DDC: variants seen among roughly 807,000 people sequenced by gnomAD.
DDC encodes the protein dopa decarboxylase.
A neutral mutation model predicts 60.0 loss-of-function variants in DDC; 43 were observed. The observed-to-expected ratio is 0.72, with a 90% confidence interval of 0.56 to 0.92. The LOEUF is 0.92. DDC is among the 40% of genes least tolerant of loss of function. The pLI, the probability that DDC is intolerant of heterozygous loss-of-function variation, is 0.00. For missense variants in DDC, 573 were observed against 620.2 expected (o/e 0.92, Z 0.81); for synonymous variants, 232 against 234.6 (o/e 0.99, Z 0.10).
chr7:50,539,455 C>T (rs1457244423), intron 3 of DDC, among the ~76,000 whole-genome samples: 1 of 152,138 alleles, frequency 6.6e-6, no homozygotes, highest in African/African-American at 2.4e-5. Flanking sequence ...TCCAGAGACC[C>T]CCCTGCTCCA....
chr7:50,497,359 GA>G (rs2043148972), intron 8 of DDC, among the ~76,000 whole-genome samples: 1 of 152,214 alleles, frequency 6.6e-6, no homozygotes, highest in Admixed American at 6.5e-5. Flanking sequence ...TATGAAAGAT[GA>G]AACCTCAAGT....
intron 13 of DDC, 112 bp from the exon 14 acceptor site, chr7:50,463,543 C>T (rs1053674373): frequency 5.3e-5 from 47 of 884,684 alleles, no homozygotes; most frequent in Middle Eastern, 4.3e-4. Flanking sequence ...AGGAAGAAGC[C>T]GACTAACCAT....
chr7:50,536,959 A>G (rs1022075239), intron 4 of DDC, among the ~76,000 whole-genome samples: 2 of 150,160 alleles, frequency 1.3e-5, no homozygotes, highest in Non-Finnish European at 3.0e-5. Context: ...TAATGAGACT[A>G]TCATCTACTT....
chr7:50,562,992 T>C (rs2045373488), intron 1 of DDC, among the ~76,000 whole-genome samples: 1 of 151,852 alleles, frequency 6.6e-6, no homozygotes, highest in South Asian at 2.1e-4. Flanking sequence ...CATGATGAAA[T>C]CCCACCTCTA....
At chr7:50,501,475 T>C (rs2043255524) in intron 7 of DDC, among the ~76,000 whole-genome samples, 1 of 152,336 alleles carries the variant, frequency 6.6e-6, no homozygotes. Flanking sequence ...CACTGGCAAA[T>C]CATTTCAAAT....
intron 5 of DDC, among the ~76,000 whole-genome samples, chr7:50,528,619 G>C (rs1013836636): frequency 6.6e-6 from 1 of 152,150 alleles, no homozygotes; most frequent in South Asian, 2.1e-4. Context: ...GGTGGACTTA[G>C]AAATCCTAGG....
intron 8 of DDC, among the ~76,000 whole-genome samples, chr7:50,498,424 C>T (rs2043172164): frequency 6.6e-6 from 1 of 152,232 alleles, no homozygotes. Context: ...TCTCAGGACC[C>T]TCTATGGCAT....
At chr7:50,494,827 A>G (rs900745284) in intron 9 of DDC, among the ~76,000 whole-genome samples, 4 of 151,814 alleles carry the variant, frequency 2.6e-5, no homozygotes, top group Non-Finnish European at 1.5e-5. Flanking sequence ...ACACCCAGCT[A>G]ATTTTTTGTA....
intron 14 of DDC, among the ~76,000 whole-genome samples, chr7:50,462,486 C>T (rs983536177): frequency 2.6e-5 from 4 of 152,236 alleles, no homozygotes; most frequent in South Asian, 2.1e-4. Flanking sequence ...GCCCGGTAGT[C>T]GAAACATATC....
chr7:50,511,323 ATAAT>A (rs2043572738), intron 6 of DDC, among the ~76,000 whole-genome samples: 1 of 36 alleles, frequency 0.028, no homozygotes, highest in East Asian at 0.17. Context: ...ATACTTTTAT[ATAAT>A]ATATATAATG....
At chr7:50,515,841 A>G (rs988203583) in intron 6 of DDC, among the ~76,000 whole-genome samples, 1 of 152,248 alleles carries the variant, frequency 6.6e-6, no homozygotes, top group African/African-American at 2.4e-5. Flanking sequence ...GGGACGTTAT[A>G]TAATGGTAAA....
At chr7:50,531,483 G>A (rs1445413881) in intron 4 of DDC, among the ~76,000 whole-genome samples, 1 of 152,028 alleles carries the variant, frequency 6.6e-6, no homozygotes, top group Admixed American at 6.5e-5. Flanking sequence ...TGCTTGAAGC[G>A]TTGGAACGCA....
intron 7 of DDC, among the ~76,000 whole-genome samples, chr7:50,503,700 C>G (rs560960440): frequency 6.6e-6 from 1 of 152,332 alleles, no homozygotes; most frequent in East Asian, 1.9e-4. Flanking sequence ...AGTTTATTCT[C>G]CTCAACAGGG....
intron 2 of DDC, chr7:50,543,286 G>T (rs3779077): frequency 1.2e-5 from 2 of 163,322 alleles, no homozygotes; most frequent in African/African-American, 4.8e-5. Flanking sequence ...CTGAAGGGAA[G>T]TTTCTCTGAG....
At chr7:50,467,165 C>T in intron 13 of DDC, 49 bp downstream of exon 13, 1 of 1,473,706 alleles carries the variant, frequency 6.8e-7, no homozygotes, top group Non-Finnish European at 9.5e-7. Context: ...AACACTTTCC[C>T]CTCTGTCACA....
At chr7:50,503,862 A>G in intron 7 of DDC, 131 bp downstream of exon 7, 1 of 767,504 alleles carries the variant, frequency 1.3e-6, no homozygotes, top group Non-Finnish European at 2.3e-6. Context: ...TGTTATTGCA[A>G]ATACGAGAAG....
chr7:50,501,560 AT>A (rs2043257497), intron 7 of DDC, among the ~76,000 whole-genome samples: 2 of 152,250 alleles, frequency 1.3e-5, no homozygotes, highest in Admixed American at 1.3e-4. Flanking sequence ...TCTTTGTCAA[AT>A]GATGGTGGGT....
chr7:50,524,604 G>A (rs1227045412), intron 6 of DDC, among the ~76,000 whole-genome samples: 1 of 152,048 alleles, frequency 6.6e-6, no homozygotes. Context: ...CTGCAAATTA[G>A]GACCATGATA....
At chr7:50,466,790 G>C (rs190347331) in intron 13 of DDC, among the ~76,000 whole-genome samples, 31 of 152,368 alleles carry the variant, frequency 2.0e-4, no homozygotes, top group African/African-American at 7.2e-4. Context: ...AGCAGCTCTA[G>C]GGTGGGGCCC....
Sources: gnomAD v4.1 joint callset for allele counts (sites outside exome capture counted in the v4.1 genomes callset) on GRCh38, gnomAD v4.1.1 for gene constraint, MANE v1.5 for transcripts, NCBI Gene and HGNC (gene_info 2026-07-23, HGNC 2026-07-21) for gene names.